RIMS1: variants seen among roughly 807,000 people sequenced by gnomAD.
The protein encoded by RIMS1 is regulating synaptic membrane exocytosis protein 1.
A neutral mutation model predicts 214.1 loss-of-function variants in RIMS1; 83 were observed. The observed-to-expected ratio is 0.39, with a 90% CI of 0.32 to 0.47. The LOEUF (loss-of-function observed/expected upper bound fraction) is 0.47, where lower values mean the gene tolerates loss of function less well. Ranked by LOEUF, RIMS1 falls within the 20% of genes least tolerant of loss-of-function variation. The probability of loss-of-function intolerance (pLI) is 0.99; values close to 1 mark genes in which losing one functional copy is unlikely to be tolerated. For missense variants in RIMS1, 2,050 were observed against 2,161.8 expected (o/e 0.95, Z 1.03); for synonymous variants, 793 against 786.8 (o/e 1.01, Z -0.13).
rs1396847049 is a variant in RIMS1 at position 72,182,599 on chromosome 6, C to T, written c.1128C>T (p.Arg376=). ...CGCCGCCTGAGGAGCAGCAGATGCGCATGCACGCCCGGGTGTCCCGCGCCA... is the reference window on the plus strand; with the variant it reads ...CGCCGCCTGAGGAGCAGCAGATGCGTATGCACGCCCGGGTGTCCCGCGCCA... The part of the protein sequence containing the change: ...VKPPPEEQQM[R]MHARVSRARH... Residue 376 remains arginine, a synonymous_variant, in exon 6 of 34, where the codon CGC becomes CGT. Coordinates refer to ENST00000521978, the MANE Select transcript of RIMS1 (RefSeq NM_014989.7). The T allele has an allele frequency of 2.6e-6, 4 of 1,548,622 alleles. No homozygotes were observed. The highest frequency in any genetic ancestry group is 1.2e-5 in the South Asian group (1 of 83,974).
At chr6:72,127,306 G>GA (rs903446286) in intron 4 of RIMS1, among the ~76,000 whole-genome samples, 1 of 148,296 alleles carries the variant, frequency 6.7e-6, no homozygotes, top group Non-Finnish European at 1.5e-5. Flanking sequence ...ATGCTGTGAT[G>GA]TTTTTTTTTT....
intron 4 of RIMS1, among the ~76,000 whole-genome samples, chr6:72,156,962 T>C (rs2044521618): frequency 7.1e-6 from 1 of 141,032 alleles, no homozygotes; most frequent in African/African-American, 2.5e-5. Context: ...TAATTTCTTT[T>C]AGAGCAGATA....
chr6:72,041,327 T>C (rs1339655949), intron 2 of RIMS1, among the ~76,000 whole-genome samples: 1 of 151,880 alleles, frequency 6.6e-6, no homozygotes, highest in Non-Finnish European at 1.5e-5. Flanking sequence ...TTTTTATTCA[T>C]TTTTAGATAA....
intron 1 of RIMS1, among the ~76,000 whole-genome samples, chr6:71,892,216 T>C (rs1170954625): frequency 6.6e-6 from 1 of 152,268 alleles, no homozygotes; most frequent in Non-Finnish European, 1.5e-5. Context: ...TTCCCTCATC[T>C]GTTGGAAAGG....
chr6:71,939,860 C>A (rs1382016301), intron 1 of RIMS1, among the ~76,000 whole-genome samples: 1 of 152,098 alleles, frequency 6.6e-6, no homozygotes, highest in Non-Finnish European at 1.5e-5. Context: ...TCTAATTTGG[C>A]CTCCTGAGAT....
intron 20 of RIMS1, among the ~76,000 whole-genome samples, 168 bp downstream of exon 20, chr6:72,265,220 A>G (rs2079938043): frequency 6.6e-6 from 1 of 152,188 alleles, no homozygotes; most frequent in Non-Finnish European, 1.5e-5. Flanking sequence ...AATTAATGAT[A>G]TCTAAAATCG....
chr6:71,979,109 T>G (rs1456995159), intron 2 of RIMS1, among the ~76,000 whole-genome samples: 3 of 152,110 alleles, frequency 2.0e-5, no homozygotes, highest in Non-Finnish European at 4.4e-5. Flanking sequence ...GTTTTTCTCT[T>G]TCTGAATGCT....
At chr6:71,978,776 A>C (rs1348782446) in intron 2 of RIMS1, among the ~76,000 whole-genome samples, 2 of 152,148 alleles carry the variant, frequency 1.3e-5, no homozygotes, top group Non-Finnish European at 1.5e-5. Context: ...CACAGGCTAT[A>C]GTTGTATTAC....
At chr6:72,068,666 G>GT (rs1215806089) in intron 2 of RIMS1, among the ~76,000 whole-genome samples, 2 of 152,200 alleles carry the variant, frequency 1.3e-5, no homozygotes, top group Non-Finnish European at 2.9e-5. Context: ...GCTCATGCCT[G>GT]TAAGCCCAGC....
At chr6:72,181,778 G>A (rs2048438375) in intron 5 of RIMS1, among the ~76,000 whole-genome samples, 1 of 152,260 alleles carries the variant, frequency 6.6e-6, no homozygotes, top group Middle Eastern at 3.4e-3. Flanking sequence ...AAGAATTCTT[G>A]ACCGTATTTT....
At chr6:72,054,130 A>G (rs1000048400) in intron 2 of RIMS1, among the ~76,000 whole-genome samples, 10 of 147,438 alleles carry the variant, frequency 6.8e-5, no homozygotes, top group African/African-American at 2.5e-4. Context: ...CCCTTTGTCC[A>G]TTCGTTCTCA....
chr6:71,895,364 T>G (rs2150383822), intron 1 of RIMS1, among the ~76,000 whole-genome samples: 1 of 152,272 alleles, frequency 6.6e-6, no homozygotes, highest in South Asian at 2.1e-4. Flanking sequence ...AAACACAGCT[T>G]TTAACCAATG....
intron 3 of RIMS1, among the ~76,000 whole-genome samples, chr6:72,097,809 A>T (rs888757481): frequency 6.6e-6 from 1 of 152,206 alleles, no homozygotes; most frequent in East Asian, 1.9e-4. Flanking sequence ...TACTTTAAAT[A>T]AATGCAATTT....
At chr6:72,191,698 C>T (rs1004671358) in intron 6 of RIMS1, among the ~76,000 whole-genome samples, 2 of 152,172 alleles carry the variant, frequency 1.3e-5, no homozygotes, top group African/African-American at 2.4e-5. Flanking sequence ...AATCAGTGGC[C>T]GCATACCAAG....
chr6:72,126,970 C>G (rs931792817), intron 4 of RIMS1, among the ~76,000 whole-genome samples: 1 of 152,096 alleles, frequency 6.6e-6, no homozygotes, highest in East Asian at 1.9e-4. Flanking sequence ...AAAAGATACA[C>G]GCACATGCAT....
chr6:72,347,034 T>C (rs940974456), intron 29 of RIMS1, among the ~76,000 whole-genome samples: 1 of 151,848 alleles, frequency 6.6e-6, no homozygotes, highest in East Asian at 1.9e-4. Context: ...GGAGTTAATT[T>C]ACCCTACTTC....
At chr6:72,245,095 A>T (rs534670407) in intron 10 of RIMS1, among the ~76,000 whole-genome samples, 1 of 152,060 alleles carries the variant, frequency 6.6e-6, no homozygotes, top group African/African-American at 2.4e-5. Context: ...TAATGGATTA[A>T]GTTGAGATTA....
intron 17 of RIMS1, 121 bp from the exon 18 acceptor site, chr6:72,258,865 A>C: frequency 1.1e-6 from 1 of 943,540 alleles, no homozygotes; most frequent in Admixed American, 1.9e-5. Flanking sequence ...GGTTTTGATT[A>C]TGATGCAAAT....
intron 1 of RIMS1, among the ~76,000 whole-genome samples, chr6:71,945,636 T>C (rs1355751667): frequency 6.6e-6 from 1 of 152,096 alleles, no homozygotes. Context: ...ACACCACTTC[T>C]ATTCAACATA....
Sources: allele counts gnomAD v4.1 joint callset (sites outside exome capture counted in the v4.1 genomes callset), GRCh38; gene constraint gnomAD v4.1.1; transcripts MANE v1.5; gene names NCBI Gene and HGNC (gene_info 2026-07-23, HGNC 2026-07-21).